The following SND1 variants were observed in gnomAD, a reference collection of about 807,000 sequenced individuals.
SND1 encodes staphylococcal nuclease domain-containing protein 1.
A neutral mutation model predicts 121.7 loss-of-function variants in SND1; 38 were observed. The observed-to-expected ratio is 0.31, with a 90% CI of 0.24 to 0.41. SND1 has a LOEUF of 0.41. SND1 is among the 10% of genes least tolerant of loss of function. The pLI is 1.00. For missense variants in SND1, 868 were observed against 1,184.6 expected (o/e 0.73, Z 3.92); for synonymous variants, 401 against 447.4 (o/e 0.90, Z 1.31).
chr7:127,815,925 G>A (rs1034499748), intron 11 of SND1, among the ~76,000 whole-genome samples: 2 of 152,110 alleles, frequency 1.3e-5, no homozygotes, highest in African/African-American at 2.4e-5. Context: ...TTTCATCTCC[G>A]ATTTCATGCC....
At chr7:128,073,549 G>C (rs1793451415) in intron 16 of SND1, among the ~76,000 whole-genome samples, 1 of 152,124 alleles carries the variant, frequency 6.6e-6, no homozygotes, top group African/African-American at 2.4e-5. Context: ...TCTGTCACTA[G>C]CTCCAGCTCC....
At chr7:127,670,809 G>A (rs532215724) in intron 1 of SND1, among the ~76,000 whole-genome samples, 2 of 150,726 alleles carry the variant, frequency 1.3e-5, no homozygotes, top group Admixed American at 6.6e-5. Flanking sequence ...ATTGCACTCA[G>A]CCATAGATCA....
chr7:127,761,009 A>G (rs1474838279), intron 10 of SND1, among the ~76,000 whole-genome samples: 1 of 152,236 alleles, frequency 6.6e-6, no homozygotes, highest in Non-Finnish European at 1.5e-5. Context: ...AGATTTCAGA[A>G]ATAGATTTCA....
chr7:127,993,584 G>A (rs912726817), intron 16 of SND1, among the ~76,000 whole-genome samples: 11 of 152,388 alleles, frequency 7.2e-5, no homozygotes, highest in Non-Finnish European at 1.0e-4. Flanking sequence ...TGGGATGGCC[G>A]CAGTTGAACT....
chr7:127,753,979 C>T (rs190504242), intron 10 of SND1, among the ~76,000 whole-genome samples: 265 of 152,244 alleles, frequency 1.7e-3, no homozygotes, highest in African/African-American at 6.0e-3. Context: ...TCCCCTTGAA[C>T]GCTCAGAGCC....
rs538566996 is a variant in SND1 at position 128,074,317 on chromosome 7, A to C, written c.1780-185A>C. 3.9e-5 allele frequency among the ~76,000 whole-genome samples: 6 copies of C among 152,136 alleles called. No individual in the cohort carries two copies. In the South Asian group the frequency reaches 1.0e-3, roughly 26 times the overall value. ...GGAAGGGGCTCTGAGAAGAGAGTCG[A>C]GTTTTGGGGTGTGTCTGTTCCCGTG... is the stretch of plus-strand genomic sequence containing the variant. On this transcript the variant is annotated intron_variant, in intron 16 of 23. Transcript: ENST00000354725.
chr7:128,002,556 C>T (rs1802861736), intron 16 of SND1, among the ~76,000 whole-genome samples: 1 of 152,198 alleles, frequency 6.6e-6, no homozygotes, highest in Admixed American at 6.5e-5. Context: ...CACCAGGACT[C>T]CACACATACC....
intron 2 of SND1, among the ~76,000 whole-genome samples, chr7:127,687,517 G>A (rs1795834445): frequency 6.6e-6 from 1 of 151,812 alleles, no homozygotes; most frequent in South Asian, 2.1e-4. Context: ...CTATCTATAT[G>A]TCCATGTGTA....
At chr7:127,779,033 G>A (rs1244208722) in intron 10 of SND1, among the ~76,000 whole-genome samples, 3 of 152,174 alleles carry the variant, frequency 2.0e-5, no homozygotes, top group Non-Finnish European at 2.9e-5. Flanking sequence ...AACAAATACC[G>A]TGTTTCCTAA....
intron 16 of SND1, among the ~76,000 whole-genome samples, chr7:128,033,300 C>A (rs1161264235): frequency 2.0e-5 from 3 of 152,200 alleles, no homozygotes; most frequent in Non-Finnish European, 4.4e-5. Flanking sequence ...GCCCCTTTCT[C>A]TGCCGACTGT....
At chr7:127,900,311 A>G (rs1800202730) in intron 13 of SND1, among the ~76,000 whole-genome samples, 1 of 152,228 alleles carries the variant, frequency 6.6e-6, no homozygotes, top group African/African-American at 2.4e-5. Context: ...GTTCAGAATA[A>G]CAATCTACTG....
chr7:128,045,712 T>G (rs1257582622), intron 16 of SND1, among the ~76,000 whole-genome samples: 1 of 152,162 alleles, frequency 6.6e-6, no homozygotes, highest in Non-Finnish European at 1.5e-5. Context: ...GAGGGGTGGT[T>G]GGTTTAACTA....
intron 14 of SND1, among the ~76,000 whole-genome samples, chr7:127,915,555 A>G (rs567075270): frequency 6.6e-6 from 1 of 152,360 alleles, no homozygotes; most frequent in East Asian, 1.9e-4. Context: ...AGAGCTTTTC[A>G]TATGCCAGCA....
chr7:127,875,656 T>C (rs1290037586), intron 12 of SND1, among the ~76,000 whole-genome samples: 1 of 152,200 alleles, frequency 6.6e-6, no homozygotes, highest in Non-Finnish European at 1.5e-5. Context: ...TGCAATGTTT[T>C]TCTCTTTTTT....
intron 11 of SND1, among the ~76,000 whole-genome samples, chr7:127,836,126 C>T (rs1443471249): frequency 1.3e-5 from 2 of 152,126 alleles, no homozygotes; most frequent in Non-Finnish European, 2.9e-5. Flanking sequence ...CCATGGACGC[C>T]ATATTCAGCT....
intron 10 of SND1, among the ~76,000 whole-genome samples, chr7:127,734,527 G>A (rs960280378): frequency 6.6e-6 from 1 of 152,152 alleles, no homozygotes; most frequent in Admixed American, 6.5e-5. Context: ...GTTAAAGAAC[G>A]TGCTTGCCTC....
intron 9 of SND1, among the ~76,000 whole-genome samples, chr7:127,713,862 G>A (rs1376529854): frequency 6.6e-6 from 1 of 152,234 alleles, no homozygotes; most frequent in East Asian, 1.9e-4. Context: ...TTCCAGGTTA[G>A]CAGAGAAGCA....
At chr7:127,969,926 T>A in intron 15 of SND1, among the ~76,000 whole-genome samples, 1 of 152,240 alleles carries the variant, frequency 6.6e-6, no homozygotes. Flanking sequence ...GTTTATCTTC[T>A]ATAAATTAGA....
chr7:127,977,672 A>C (rs1584710640), intron 15 of SND1, among the ~76,000 whole-genome samples: 1 of 152,212 alleles, frequency 6.6e-6, no homozygotes, highest in Non-Finnish European at 1.5e-5. Flanking sequence ...AGTGTGTATA[A>C]AGAATAAGTA....
Sources: gnomAD v4.1 joint callset for allele counts (sites outside exome capture counted in the v4.1 genomes callset) on GRCh38, gnomAD v4.1.1 for gene constraint, MANE v1.5 for transcripts, NCBI Gene and HGNC (gene_info 2026-07-23, HGNC 2026-07-21) for gene names.